Variants in SGCZ observed in about 807,000 individuals in gnomAD.
SGCZ encodes the protein sarcoglycan zeta.
SGCZ carries 40 observed loss-of-function variants against 41.3 expected under a neutral mutation model. That is an observed-to-expected ratio of 0.97 (90% CI 0.75 to 1.26). SGCZ has a LOEUF of 1.26. Among genes scored for constraint, SGCZ ranks in the 50% most tolerant of loss-of-function variants. The pLI, the probability that SGCZ is intolerant of heterozygous loss-of-function variation, is 0.00. For synonymous variants in SGCZ, 206 were observed against 137.5 expected, an observed-to-expected ratio of 1.50 and a Z score of -3.49; for missense variants, 552 against 369.8, an observed-to-expected ratio of 1.49 and a Z score of -4.04.
At chr8:14,568,528 T>C (rs1276299283) in intron 1 of SGCZ, among the ~76,000 whole-genome samples, 2 of 151,984 alleles carry the variant, frequency 1.3e-5, no homozygotes, top group Non-Finnish European at 2.9e-5. Context: ...CTCTTTTCTG[T>C]TGCTTTATGA....
intron 1 of SGCZ, among the ~76,000 whole-genome samples, chr8:14,642,648 G>A (rs1807065183): frequency 6.6e-6 from 1 of 151,204 alleles, no homozygotes; most frequent in African/African-American, 2.4e-5. Context: ...CTTTCTTATT[G>A]TCAATGCTAC....
intron 1 of SGCZ, among the ~76,000 whole-genome samples, chr8:15,148,937 G>A (rs753038059): frequency 6.6e-6 from 1 of 152,106 alleles, no homozygotes; most frequent in Non-Finnish European, 1.5e-5. Flanking sequence ...AATACTGCAC[G>A]AGCACTGAAA....
chr8:14,926,666 C>T (rs1321656831), intron 1 of SGCZ, among the ~76,000 whole-genome samples: 1 of 151,522 alleles, frequency 6.6e-6, no homozygotes, highest in Non-Finnish European at 1.5e-5. Flanking sequence ...TTTTTTGAGA[C>T]AGTCTCGCTC....
rs187657396 is a variant in SGCZ, at chr8:14,653,817, C to A, written c.40-98891G>T. On this transcript the variant is annotated intron_variant, in intron 1 of 7. Coordinates refer to ENST00000382080, the MANE Select transcript of SGCZ (RefSeq NM_139167.4). The stretch of plus-strand genomic sequence containing the variant: ...TGAAAATCCATTCATATTAAAAAAA[C>A]CCTCAGTTGTCTCAAAAATGTTAGA... Among the ~76,000 whole-genome samples, 98 of 151,614 alleles carry A rather than the reference C, an allele frequency of 6.5e-4. 2 individuals are homozygous for A. The highest frequency in any genetic ancestry group is 4.5e-3 in the Admixed American group (69 of 15,218).
intron 2 of SGCZ, among the ~76,000 whole-genome samples, chr8:14,368,444 G>A (rs1803793842): frequency 6.6e-6 from 1 of 152,064 alleles, no homozygotes; most frequent in Non-Finnish European, 1.5e-5. Flanking sequence ...GATGAAATAA[G>A]TACATGAATT....
At chr8:14,955,874 T>C (rs1800774954) in intron 1 of SGCZ, among the ~76,000 whole-genome samples, 1 of 152,128 alleles carries the variant, frequency 6.6e-6, no homozygotes, top group South Asian at 2.1e-4. Flanking sequence ...TATGGTGTCT[T>C]TTGAATAAAC....
rs144816416 is a variant in SGCZ at position 15,186,792 on chromosome 8, G to T, written c.39+50793C>A. Among the ~76,000 whole-genome samples the T allele has an allele frequency of 1.2e-4, 19 of 152,272 alleles. No individual in the cohort carries two copies. In the East Asian group the frequency reaches 3.5e-3, roughly 28 times the overall value. ...TTTCGCCTATAATTAGTGAGACAAA[G>T]AAGTCTACAACATTGATTTTGCCCA... On this transcript the variant is annotated intron_variant, in intron 1 of 7. Transcript: ENST00000382080.
At chr8:14,174,888 C>T (rs539535293) in intron 4 of SGCZ, among the ~76,000 whole-genome samples, 2 of 152,196 alleles carry the variant, frequency 1.3e-5, no homozygotes, top group Non-Finnish European at 2.9e-5. Context: ...TCTTTTCTTC[C>T]AATATCTCTT....
At chr8:15,095,305 C>T (rs150425634) in intron 1 of SGCZ, among the ~76,000 whole-genome samples, 5 of 152,136 alleles carry the variant, frequency 3.3e-5, no homozygotes, top group African/African-American at 4.8e-5. Flanking sequence ...CACCATGTTA[C>T]CCAAGCTGAT....
intron 1 of SGCZ, among the ~76,000 whole-genome samples, chr8:15,046,151 C>G (rs890385689): frequency 6.6e-6 from 1 of 151,952 alleles, no homozygotes; most frequent in Non-Finnish European, 1.5e-5. Context: ...TAATATAGAG[C>G]ACATGTTTTT....
chr8:15,021,083 A>G (rs2130942176), intron 1 of SGCZ, among the ~76,000 whole-genome samples: 1 of 152,206 alleles, frequency 6.6e-6, no homozygotes, highest in East Asian at 1.9e-4. Context: ...GATATAAATG[A>G]AAGAATTAAC....
At chr8:14,563,776 C>G (rs530341677) in intron 1 of SGCZ, among the ~76,000 whole-genome samples, 1 of 152,154 alleles carries the variant, frequency 6.6e-6, no homozygotes, top group South Asian at 2.1e-4. Context: ...TTAAGTCCAG[C>G]TGTTGAGAAC....
intron 4 of SGCZ, among the ~76,000 whole-genome samples, chr8:14,193,593 C>T (rs975334324): frequency 1.3e-5 from 2 of 151,904 alleles, no homozygotes; most frequent in East Asian, 3.9e-4. Flanking sequence ...TAATTTTGCA[C>T]ATTAAAATTG....
At chr8:14,997,176 G>A (rs963625062) in intron 1 of SGCZ, among the ~76,000 whole-genome samples, 4 of 151,934 alleles carry the variant, frequency 2.6e-5, no homozygotes, top group African/African-American at 9.7e-5. Context: ...TATCTGTCCC[G>A]TATCTAATTC....
chr8:14,859,388 G>C (rs1282569424), intron 1 of SGCZ, among the ~76,000 whole-genome samples: 1 of 151,714 alleles, frequency 6.6e-6, no homozygotes, highest in African/African-American at 2.4e-5. Flanking sequence ...TGTCATTGAA[G>C]TGTCATAAAG....
At chr8:14,931,341 A>G (rs1799917777) in intron 1 of SGCZ, among the ~76,000 whole-genome samples, 1 of 152,064 alleles carries the variant, frequency 6.6e-6, no homozygotes, top group Non-Finnish European at 1.5e-5. Context: ...AGTTTGATCT[A>G]TTCTTGAGTT....
intron 1 of SGCZ, among the ~76,000 whole-genome samples, chr8:15,032,627 C>T (rs1056415622): frequency 3.3e-5 from 5 of 152,154 alleles, no homozygotes; most frequent in Non-Finnish European, 7.4e-5. Flanking sequence ...CCAGAAACTC[C>T]AGGCTCTATG....
chr8:14,750,600 G>GT (rs985019911), intron 1 of SGCZ, among the ~76,000 whole-genome samples: 4 of 152,004 alleles, frequency 2.6e-5, no homozygotes, highest in Admixed American at 6.6e-5. Flanking sequence ...ATGATATGGT[G>GT]TTTTTTTAAA....
Position 15,127,603 on chromosome 8 carries a change from A to G in SGCZ, c.39+109982T>C, listed in dbSNP as rs181833117. Among the ~76,000 whole-genome samples the G allele has an allele frequency of 3.4e-3, 514 of 152,312 alleles. 5 individuals carry two copies. The highest frequency in any genetic ancestry group is 5.3e-3 in the Non-Finnish European group (361 of 68,020). The stretch of plus-strand genomic sequence containing the variant: ...AACAAGATTTTTCTTGTTTTGAAAA[A>G]GAGGACAGCCTTTATATTTATATAT... On this transcript the variant is annotated intron_variant, in intron 1 of 7. Coordinates refer to ENST00000382080, the MANE Select transcript of SGCZ (RefSeq NM_139167.4).
Sources: allele counts gnomAD v4.1 joint callset (sites outside exome capture counted in the v4.1 genomes callset), GRCh38; gene constraint gnomAD v4.1.1; transcripts MANE v1.5; gene names NCBI Gene and HGNC (gene_info 2026-07-23, HGNC 2026-07-21).